The following LRRC36 variants were observed in gnomAD, a reference collection of about 807,000 sequenced individuals.
LRRC36 encodes leucine rich repeat containing 36.
A neutral mutation model predicts 81.1 loss-of-function variants in LRRC36; 62 were observed. The observed-to-expected ratio is 0.76, with a 90% confidence interval of 0.62 to 0.94. The LOEUF (loss-of-function observed/expected upper bound fraction) is 0.94, where lower values mean the gene tolerates loss of function less well. Ranked by LOEUF, LRRC36 falls within the 40% of genes least tolerant of loss-of-function variation. LRRC36 has a pLI of 0.00. For missense variants in LRRC36, 761 were observed against 881.7 expected (o/e 0.86, Z 1.73); for synonymous variants, 334 against 348.6 (o/e 0.96, Z 0.47).
At chr16:67,337,576 T>A (rs2037824013) in intron 1 of LRRC36, among the ~76,000 whole-genome samples, 2 of 151,508 alleles carry the variant, frequency 1.3e-5, no homozygotes, top group Admixed American at 1.3e-4. Context: ...GTCAGTCTGG[T>A]CTCAAACTCC....
intron 9 of LRRC36, among the ~76,000 whole-genome samples, chr16:67,375,014 C>T (rs986239773): frequency 2.0e-5 from 3 of 151,794 alleles, no homozygotes; most frequent in Admixed American, 6.6e-5. Flanking sequence ...CCTATCCCAG[C>T]TACTTGGGAG....
At chr16:67,346,499 C>A in intron 3 of LRRC36, 51 bp downstream of exon 3, 2 of 1,293,686 alleles carry the variant, frequency 1.5e-6, no homozygotes, top group Non-Finnish European at 2.1e-6. Flanking sequence ...TTTAAATCAG[C>A]TGCCCCTTAA....
chr16:67,365,022 G>A (rs1335787178), intron 6 of LRRC36: 4 of 313,414 alleles, frequency 1.3e-5, no homozygotes, highest in East Asian at 5.1e-5. Flanking sequence ...CTGGAAAGTG[G>A]CCCTCATCTA....
At chr16:67,335,958 C>A (rs188398820) in intron 1 of LRRC36, among the ~76,000 whole-genome samples, 1 of 152,272 alleles carries the variant, frequency 6.6e-6, no homozygotes, top group Non-Finnish European at 1.5e-5. Context: ...TCTCAAACCC[C>A]CAGCCTCAGG....
In LRRC36 at chr16:67,367,441, T is replaced by G. The variant is rs1370851531; in HGVS notation, c.1179T>G (p.Leu393=). ...LSNPDSSTGR[L]LKLSSDLYAT... ...ACCCTGACTCCAGCACTGGAAGGCT[T>G]TTGAAGCTTAGTTCAGGTAACAGCT... Residue 393 remains leucine, a synonymous_variant, in exon 8 of 14, where the codon CTT becomes CTG. Coordinates refer to ENST00000329956, the MANE Select transcript of LRRC36 (RefSeq NM_018296.6). The G allele has an allele frequency of 6.2e-7, 1 of 1,611,684 alleles. No homozygotes were observed. The highest frequency in any genetic ancestry group is 8.5e-7 in the Non-Finnish European group (1 of 1,178,732).
At chr16:67,380,917 G>C (rs1250642008) in intron 12 of LRRC36, among the ~76,000 whole-genome samples, 1 of 152,116 alleles carries the variant, frequency 6.6e-6, no homozygotes, top group African/African-American at 2.4e-5. Context: ...ATCCCCAGGT[G>C]ATTTGTAAGC....
chr16:67,382,722 G>C (rs1390805968), intron 13 of LRRC36, among the ~76,000 whole-genome samples: 1 of 152,128 alleles, frequency 6.6e-6, no homozygotes, highest in African/African-American at 2.4e-5. Context: ...GGTGGCTCAC[G>C]CCTGTAATCC....
chr16:67,354,593 A>T (rs2038813536), intron 5 of LRRC36, among the ~76,000 whole-genome samples: 1 of 152,110 alleles, frequency 6.6e-6, no homozygotes, highest in South Asian at 2.1e-4. Context: ...TCTGATTTTT[A>T]AAACATATTT....
intron 1 of LRRC36, among the ~76,000 whole-genome samples, chr16:67,333,299 T>C (rs2037588121): frequency 6.6e-6 from 1 of 152,038 alleles, no homozygotes; most frequent in East Asian, 1.9e-4. Context: ...ACCCTGCTAA[T>C]TTTTGTGTTT....
chr16:67,384,753 C>T (rs944488364), intron 13 of LRRC36, 117 bp from the exon 14 acceptor site: 2 of 691,052 alleles, frequency 2.9e-6, no homozygotes, highest in Admixed American at 2.5e-5. Flanking sequence ...TTGGACAGTT[C>T]CTTCTATTTA....
intron 5 of LRRC36, among the ~76,000 whole-genome samples, chr16:67,352,545 G>C (rs1460340002): frequency 2.0e-5 from 3 of 151,814 alleles, no homozygotes; most frequent in Admixed American, 1.3e-4. Flanking sequence ...CCCCGAAATA[G>C]GCGTACCTAG....
intron 1 of LRRC36, among the ~76,000 whole-genome samples, chr16:67,341,366 C>A (rs1427590539): frequency 1.3e-5 from 2 of 148,846 alleles, no homozygotes; most frequent in Non-Finnish European, 3.0e-5. Flanking sequence ...TAATTTAATT[C>A]TTGTAACACC....
At chr16:67,351,913 T>C (rs1329402733) in intron 5 of LRRC36, among the ~76,000 whole-genome samples, 17 of 152,242 alleles carry the variant, frequency 1.1e-4, no homozygotes. Context: ...TCCTAGTTAA[T>C]GCTTTGGTAT....
chr16:67,341,684 G>T (rs1297983212), intron 1 of LRRC36, among the ~76,000 whole-genome samples: 1 of 152,052 alleles, frequency 6.6e-6, no homozygotes, highest in Non-Finnish European at 1.5e-5. Flanking sequence ...TGGGGTTGCT[G>T]AATATCTTTT....
At chr16:67,338,944 G>C (rs1204470236) in intron 1 of LRRC36, among the ~76,000 whole-genome samples, 1 of 128,984 alleles carries the variant, frequency 7.8e-6, no homozygotes, top group African/African-American at 3.0e-5. Context: ...GCCCAGGCTG[G>C]AGTGCAGTGA....
intron 11 of LRRC36, among the ~76,000 whole-genome samples, chr16:67,377,627 T>C (rs9922119): frequency 0.18 from 26,867 of 149,508 alleles, 5,689 homozygotes; most frequent in African/African-American, 0.52. Flanking sequence ...CCACTGCACC[T>C]GGCCGCCTTT....
chr16:67,373,290 T>A (rs1197239634), intron 9 of LRRC36, among the ~76,000 whole-genome samples: 1 of 152,244 alleles, frequency 6.6e-6, no homozygotes, highest in African/African-American at 2.4e-5. Flanking sequence ...ACATTATTTT[T>A]CTCTTTATGG....
chr16:67,341,105 A>G (rs1213784836), intron 1 of LRRC36, among the ~76,000 whole-genome samples: 6 of 105,618 alleles, frequency 5.7e-5, no homozygotes, highest in Admixed American at 5.0e-4. Context: ...TATGTACTCT[A>G]CATATTCTAT....
intron 3 of LRRC36, among the ~76,000 whole-genome samples, chr16:67,346,872 T>TTTTA (rs1251127859): frequency 3.3e-5 from 5 of 152,016 alleles, no homozygotes; most frequent in African/African-American, 1.2e-4. Flanking sequence ...TTACTTTATT[T>TTTTA]TTTATTTATT....
Sources: gnomAD v4.1 joint callset for allele counts (sites outside exome capture counted in the v4.1 genomes callset) on GRCh38, gnomAD v4.1.1 for gene constraint, MANE v1.5 for transcripts, NCBI Gene and HGNC (gene_info 2026-07-23, HGNC 2026-07-21) for gene names.